ARPP19: variants seen among roughly 807,000 people sequenced by gnomAD.
ARPP19 encodes cAMP-regulated phosphoprotein 19.
ARPP19 carries 8 observed loss-of-function variants against 12.0 expected under a neutral mutation model. The ratio of observed to expected loss-of-function variants is 0.67; its 90% confidence interval spans 0.39 to 1.21. The LOEUF (loss-of-function observed/expected upper bound fraction) is 1.21, where lower values mean the gene tolerates loss of function less well. Ranked by LOEUF, ARPP19 falls within the 50% of genes most tolerant of loss-of-function variation. ARPP19 has a pLI of 0.01. For synonymous variants in ARPP19, 47 were observed against 50.4 expected (o/e 0.93, Z 0.29); for missense variants, 102 against 136.3 (o/e 0.75, Z 1.25).
intron 1 of ARPP19, chr15:52,564,137 G>T (rs1448960167): frequency 1.5e-6 from 2 of 1,335,334 alleles, no homozygotes; most frequent in East Asian, 2.5e-5. Context: ...CTGTTGTATC[G>T]CAAACTGCTA....
rs565080456 is a variant in ARPP19, at chr15:52,568,384, G to A, written c.45+464C>T. On this transcript the variant is annotated intron_variant, in intron 1 of 2. Transcript: ENST00000249822. ...GGCCGGACTTTACTCACTGACCATGGTTACAAGGGTTGGCCCTGAAATGCC... is the reference window on the plus strand; with the variant it reads ...GGCCGGACTTTACTCACTGACCATGATTACAAGGGTTGGCCCTGAAATGCC... 4 of 156,876 alleles carry A rather than the reference G, an allele frequency of 2.5e-5. No individual in the cohort carries two copies. The Admixed American group carries it at 2.6e-4, about 10-fold the overall frequency. 9.7% of individuals were successfully genotyped at this position (156,876 alleles called of 1,614,324 possible).
At chr15:52,559,044 T>C (rs1437151186) in intron 1 of ARPP19, among the ~76,000 whole-genome samples, 2 of 152,342 alleles carry the variant, frequency 1.3e-5, no homozygotes, top group South Asian at 4.1e-4. Context: ...CATTTGTTGT[T>C]AGATCTTCTC....
chr15:52,569,028 G>T lies in ARPP19; in HGVS notation c.-136C>A. 1.6e-6 allele frequency: 1 copy of T among 644,834 alleles called. No individual in the cohort carries two copies. The highest frequency in any genetic ancestry group is 1.8e-5 in the South Asian group (1 of 55,920). 39.9% of individuals were successfully genotyped at this position (644,834 alleles called of 1,614,324 possible). A position where few individuals can be genotyped will look rare whatever the true frequency, so the allele number is the denominator to read the frequency against. On this transcript the variant is annotated 5_prime_UTR_variant, in exon 1 of 3. Coordinates refer to ENST00000249822, the MANE Select transcript of ARPP19 (RefSeq NM_006628.6). ...CCCGCGAAAATGGCCGCCGCCTTAT[G>T]ACGACACGGAGCCGCGAAACGCTCC... is the stretch of plus-strand genomic sequence containing the variant.
chr15:52,559,347 A>G (rs2140241171), intron 1 of ARPP19, among the ~76,000 whole-genome samples: 1 of 152,300 alleles, frequency 6.6e-6, no homozygotes, highest in South Asian at 2.1e-4. Flanking sequence ...CTCGTTGGGT[A>G]TCTTGCAGAG....
At position 52,547,322 on chromosome 15, in the gene ARPP19, C is replaced by T. The variant is rs1246647351; in HGVS notation, c.*4612G>A. Reference sequence around the variant, plus strand: ...TGACAAATTCAGCATTAACTGCCAACTCTATAGACATGTTTTAACAAAAAG... The same window carrying T: ...TGACAAATTCAGCATTAACTGCCAATTCTATAGACATGTTTTAACAAAAAG... On this transcript the variant is annotated 3_prime_UTR_variant, in exon 3 of 3. Transcript: ENST00000249822. 8 of 149,942 alleles carry T rather than the reference C, an allele frequency of 5.3e-5. No homozygotes were observed. The highest frequency in any genetic ancestry group is 9.0e-5 in the Non-Finnish European group (6 of 66,918). The allele number at this position is 149,942 out of a possible 1,614,324, so 9.3% of individuals were successfully genotyped here. A position where few individuals can be genotyped will look rare whatever the true frequency, so the allele number is the denominator to read the frequency against.
At chr15:52,553,138 G>A (rs1443419419) in intron 2 of ARPP19, among the ~76,000 whole-genome samples, 1 of 151,854 alleles carries the variant, frequency 6.6e-6, no homozygotes, top group Non-Finnish European at 1.5e-5. Context: ...TACAGTTCCT[G>A]GTATTCTGTT....
rs1441843542 is a variant in ARPP19, at chr15:52,551,294, A to C, written c.*640T>G. ...CATCTTCAACAACAAAAGGTATTCT[A>C]ACTCTACAGAACTGAATATTAGCTT... On this transcript the variant is annotated 3_prime_UTR_variant, in exon 3 of 3. Transcript: ENST00000249822. The C allele has an allele frequency of 6.5e-6, 1 of 152,706 alleles. No individual in the cohort carries two copies. The highest frequency in any genetic ancestry group is 2.4e-5 in the African/African-American group (1 of 41,466). The allele number at this position is 152,706 out of a possible 1,614,324, so 9.5% of individuals were successfully genotyped here. A position where few individuals can be genotyped will look rare whatever the true frequency, so the allele number is the denominator to read the frequency against.
intron 1 of ARPP19, 121 bp downstream of exon 1, chr15:52,568,727 G>C: frequency 1.7e-6 from 1 of 603,488 alleles, no homozygotes; most frequent in Non-Finnish European, 2.7e-6. Flanking sequence ...TGGGGCGCAG[G>C]AGCCTCGGCC....
At position 52,562,512 on chromosome 15, in the gene ARPP19, T is replaced by A. The variant is rs556382059; in HGVS notation, c.46-5290A>T. Among the ~76,000 whole-genome samples, 33 of 152,124 alleles carry A rather than the reference T, an allele frequency of 2.2e-4. 2 individuals carry two copies. The South Asian group carries it at 6.9e-3, about 32-fold the overall frequency. On this transcript the variant is annotated intron_variant, in intron 1 of 2. Coordinates refer to ENST00000249822, the MANE Select transcript of ARPP19 (RefSeq NM_006628.6). Reference sequence around the variant, plus strand: ...AGACCTTGGCCTTTACAAAAAAAATTTAAAAATTAGATAGGTGTCGTGGTA... The same window carrying A: ...AGACCTTGGCCTTTACAAAAAAAATATAAAAATTAGATAGGTGTCGTGGTA...
rs537794440 is a variant in ARPP19, at chr15:52,547,363, C to A, written c.*4571G>T. ...TAACAAAAAGCAAAACAAAACAAAA[C>A]AAAAAAACAAAACAAGGCATTTACT... is the stretch of plus-strand genomic sequence containing the variant. On this transcript the variant is annotated 3_prime_UTR_variant, in exon 3 of 3. Coordinates refer to ENST00000249822, the MANE Select transcript of ARPP19 (RefSeq NM_006628.6). 1 of 151,986 alleles carries A rather than the reference C, an allele frequency of 6.6e-6. No individual in the cohort carries two copies. The highest frequency in any genetic ancestry group is 2.1e-4 in the South Asian group (1 of 4,816). The allele number at this position is 151,986 out of a possible 1,614,324, so 9.4% of individuals were successfully genotyped here. A position where few individuals can be genotyped will look rare whatever the true frequency, so the allele number is the denominator to read the frequency against.
chr15:52,561,329 T>C lies in ARPP19; in HGVS notation c.46-4107A>G, dbSNP rs188334369. Among the ~76,000 whole-genome samples, 16 of 152,260 alleles carry C rather than the reference T, an allele frequency of 1.1e-4. No individual in the cohort carries two copies. The East Asian group carries it at 2.3e-3, about 22-fold the overall frequency. The stretch of plus-strand genomic sequence containing the variant: ...AATCATAAACTAATCAAGCTTTGGG[T>C]TAAATAGGTTAGGATGTAAGGGATA... On this transcript the variant is annotated intron_variant, in intron 1 of 2. Coordinates refer to ENST00000249822, the MANE Select transcript of ARPP19 (RefSeq NM_006628.6).
chr15:52,557,702 G>C (rs2077993574), intron 1 of ARPP19: 1 of 151,784 alleles, frequency 6.6e-6, no homozygotes, highest in Non-Finnish European at 1.5e-5. Flanking sequence ...CTTGAATACA[G>C]ATGATCCTGA....
At position 52,557,202 on chromosome 15, in the gene ARPP19, A is replaced by G. The variant is rs2077989425; in HGVS notation, c.66T>C (p.Thr22=). 6 of 1,603,858 alleles carry G rather than the reference A, an allele frequency of 3.7e-6. No individual in the cohort carries two copies. Among genetic ancestry groups the G allele is most frequent in the Non-Finnish European group, 5.1e-6 (6 of 1,172,118 alleles). Residue 22 remains threonine (T), a synonymous_variant, in exon 2 of 3, where the codon ACT becomes ACC. Coordinates refer to ENST00000249822, the MANE Select transcript of ARPP19 (RefSeq NM_006628.6). ...EEQKEMEDKV[T]SPEKAEEAKL... is the part of the protein sequence containing the mutation. ...TTGCTTCTTCTGCTTTCTCTGGACT[A>G]GTCACTTTATCTTCCATTTCCTAAA... is the stretch of plus-strand genomic sequence containing the variant.
intron 2 of ARPP19, among the ~76,000 whole-genome samples, chr15:52,554,504 TAAC>T (rs1470517492): frequency 6.6e-6 from 1 of 152,174 alleles, no homozygotes; most frequent in Non-Finnish European, 1.5e-5. Flanking sequence ...GATATGTCTT[TAAC>T]AATCTCTAAA....
intron 1 of ARPP19, among the ~76,000 whole-genome samples, chr15:52,561,934 CTTT>C (rs11340086): frequency 1.9e-4 from 24 of 126,972 alleles, no homozygotes; most frequent in East Asian, 7.0e-4. Context: ...AGTGCACCTA[CTTT>C]TTTTTTTTTT....
intron 1 of ARPP19, among the ~76,000 whole-genome samples, chr15:52,564,662 C>T (rs866009623): frequency 6.6e-6 from 1 of 151,946 alleles, no homozygotes. Flanking sequence ...TGTGGGTATC[C>T]TTTCCAAGAC....
At chr15:52,553,931 C>T (rs1439166477) in intron 2 of ARPP19, among the ~76,000 whole-genome samples, 1 of 152,228 alleles carries the variant, frequency 6.6e-6, no homozygotes, top group East Asian at 1.9e-4. Flanking sequence ...GTATATGTAC[C>T]ATACGGAACA....
At chr15:52,552,572 A>C (rs2077944155) in intron 2 of ARPP19, among the ~76,000 whole-genome samples, 1 of 127,848 alleles carries the variant, frequency 7.8e-6, no homozygotes, top group Non-Finnish European at 1.6e-5. Context: ...TGGGCAACAG[A>C]GACTGTCTCA....
intron 1 of ARPP19, among the ~76,000 whole-genome samples, chr15:52,563,577 T>C (rs562976174): frequency 3.5e-4 from 54 of 152,326 alleles, no homozygotes; most frequent in African/African-American, 1.2e-3. Flanking sequence ...TATAAATATA[T>C]ACACGTAAAA....
Sources: gnomAD v4.1 joint callset for allele counts (sites outside exome capture counted in the v4.1 genomes callset) on GRCh38, gnomAD v4.1.1 for gene constraint, MANE v1.5 for transcripts, NCBI Gene and HGNC (gene_info 2026-07-23, HGNC 2026-07-21) for gene names.